PCTP: variants seen among roughly 807,000 people sequenced by gnomAD.
PCTP encodes phosphatidylcholine transfer protein.
A neutral mutation model predicts 31.0 loss-of-function variants in PCTP; 27 were observed. The observed-to-expected ratio is 0.87, with a 90% CI of 0.64 to 1.20. The LOEUF (loss-of-function observed/expected upper bound fraction) is 1.20. Among genes scored for constraint, PCTP ranks in the 50% most tolerant of loss-of-function variants. The pLI is 0.00. For synonymous variants in PCTP, 108 were observed against 101.2 expected (o/e 1.07, Z -0.40); for missense variants, 287 against 268.2 (o/e 1.07, Z -0.49).
At position 55,773,746 on chromosome 17, in the gene PCTP, G is replaced by A. The variant is rs141170729; in HGVS notation, c.362G>A (p.Arg121Gln). ...CAGTATGTCTACCTTCGGCAGCGGC[G>A]AGACCTGGACATGGAAGGGAGGAAG... is the stretch of plus-strand genomic sequence containing the variant. Reference protein sequence around the residue: ...NRDYVYLRQRRDLDMEGRKIH... With the variant: ...NRDYVYLRQRQDLDMEGRKIH... Residue 121 changes from arginine (R) to glutamine (Q), a missense_variant, in exon 4 of 6, where the codon CGA (arginine) becomes CAA (glutamine). Transcript: ENST00000268896. 125 of 1,613,348 alleles carry A rather than the reference G, an allele frequency of 7.7e-5. No homozygotes were observed. Among genetic ancestry groups the A allele is most frequent in the Non-Finnish European group, 1.0e-4 (123 of 1,179,636 alleles).
At chr17:55,841,246 G>A (rs1905972196) in intron 5 of PCTP, among the ~76,000 whole-genome samples, 2 of 152,200 alleles carry the variant, frequency 1.3e-5, no homozygotes, top group African/African-American at 4.8e-5. Context: ...AAGCACTTGA[G>A]GCATTGGTAC....
intron 3 of PCTP, among the ~76,000 whole-genome samples, chr17:55,801,249 C>G (rs1362169000): frequency 6.6e-6 from 1 of 152,032 alleles, no homozygotes; most frequent in African/African-American, 2.4e-5. Flanking sequence ...ACTTAGACTC[C>G]CACACAATGA....
At chr17:55,845,477 C>T (rs1438659951), downstream of PCTP, among the ~76,000 whole-genome samples, 2 of 152,156 alleles carry the variant, frequency 1.3e-5, no homozygotes, top group Non-Finnish European at 2.9e-5. Context: ...AGGGTTTCCG[C>T]GGGATGCTCA....
In PCTP at chr17:55,777,048, C is replaced by G; in HGVS notation, c.*948C>G. 2 of 985,824 alleles carry G rather than the reference C, an allele frequency of 2.0e-6. No homozygotes were observed. The highest frequency in any genetic ancestry group is 1.2e-6 in the Non-Finnish European group (1 of 829,910). The allele number at this position is 985,824 out of a possible 1,614,324, so 61.1% of individuals were successfully genotyped here. On this transcript the variant is annotated 3_prime_UTR_variant, in exon 6 of 6. Coordinates refer to ENST00000268896, the MANE Select transcript of PCTP (RefSeq NM_021213.4). ...CAGTTCACAGCCAGGTAAAATTTAACTGGTGGCTTAATGACTCTGCACCTT... is the reference window on the plus strand; with the variant it reads ...CAGTTCACAGCCAGGTAAAATTTAAGTGGTGGCTTAATGACTCTGCACCTT...
intron 3 of PCTP, among the ~76,000 whole-genome samples, chr17:55,802,221 G>T (rs1598006943): frequency 6.6e-6 from 1 of 152,140 alleles, no homozygotes; most frequent in East Asian, 1.9e-4. Flanking sequence ...GAGGTAGTAA[G>T]TAATAGCCTA....
At chr17:55,785,535 T>C (rs1393272387) in intron 2 of PCTP, among the ~76,000 whole-genome samples, 1 of 152,238 alleles carries the variant, frequency 6.6e-6, no homozygotes, top group Non-Finnish European at 1.5e-5. Flanking sequence ...AATGCCTCAT[T>C]TATTTAGATC....
intron 3 of PCTP, among the ~76,000 whole-genome samples, chr17:55,789,950 C>T (rs965000523): frequency 6.6e-6 from 1 of 152,170 alleles, no homozygotes; most frequent in Non-Finnish European, 1.5e-5. Flanking sequence ...AAAAGCTTAT[C>T]CACCATGATC....
chr17:55,780,859 T>G (rs1338476692), downstream of PCTP, among the ~76,000 whole-genome samples: 1 of 152,146 alleles, frequency 6.6e-6, no homozygotes, highest in Non-Finnish European at 1.5e-5. Context: ...TGTTCTTGCC[T>G]CCTTCACCAT....
At chr17:55,775,287 T>G in intron 5 of PCTP, 1 of 1,235,536 alleles carries the variant, frequency 8.1e-7, no homozygotes, top group Non-Finnish European at 1.0e-6. Context: ...GTTGCCCTTT[T>G]TTTTTTTTCT....
chr17:55,765,667 T>C (rs1480446764), intron 1 of PCTP, among the ~76,000 whole-genome samples: 4 of 152,248 alleles, frequency 2.6e-5, no homozygotes. Context: ...AAAAAATTAA[T>C]TTGATTGCGT....
downstream of PCTP, among the ~76,000 whole-genome samples, chr17:55,845,657 A>G (rs972590775): frequency 3.3e-5 from 5 of 152,128 alleles, no homozygotes; most frequent in Non-Finnish European, 4.4e-5. Context: ...TGCCCAGCGC[A>G]GTCAGAGGCC....
chr17:55,763,690 A>G (rs1050966989), intron 1 of PCTP, among the ~76,000 whole-genome samples: 5 of 152,216 alleles, frequency 3.3e-5, no homozygotes, highest in Non-Finnish European at 5.9e-5. Flanking sequence ...AAATATTATC[A>G]GTAGATATTT....
At position 55,821,413 on chromosome 17, in the gene PCTP, G is replaced by A. The variant is rs569217163; in HGVS notation, c.318-1348G>A. ...TAATGGATATGGAGCTTCTTTTGGG[G>A]GTGATAAAATGTTCTAAAATTTATT... is the stretch of plus-strand genomic sequence containing the variant. On this transcript the variant is annotated intron_variant, in intron 3 of 3. Transcript: ENST00000572536. 3.1e-4 allele frequency among the ~76,000 whole-genome samples: 47 copies of A among 152,162 alleles called. No individual in the cohort carries two copies. In the South Asian group the frequency reaches 9.6e-3, roughly 31 times the overall value.
In PCTP at chr17:55,776,150, C is replaced by T. The variant is rs754781005; in HGVS notation, c.*50C>T. On this transcript the variant is annotated 3_prime_UTR_variant, in exon 6 of 6. Coordinates refer to ENST00000268896, the MANE Select transcript of PCTP (RefSeq NM_021213.4). ...CCATGGGTTGATGTCTCTGGAAGTG[C>T]AACCACCCAATGTCTCTGGAAGTGC... The T allele has an allele frequency of 1.9e-6, 3 of 1,606,568 alleles. No individual in the cohort carries two copies. The Admixed American group carries it at 5.1e-5, about 27-fold the overall frequency.
At chr17:55,754,149 A>G (rs554894310) in intron 1 of PCTP, among the ~76,000 whole-genome samples, 1 of 152,254 alleles carries the variant, frequency 6.6e-6, no homozygotes, top group South Asian at 2.1e-4. Flanking sequence ...TGTTGACACT[A>G]CCTACCTGGA....
chr17:55,842,649 C>A (rs907699556), intron 5 of PCTP: 2 of 152,172 alleles, frequency 1.3e-5, no homozygotes, highest in African/African-American at 4.8e-5. Flanking sequence ...CTAGTCTGCA[C>A]AAGAACTCAA....
chr17:55,782,259 CATT>C (rs1294958743), downstream of PCTP, among the ~76,000 whole-genome samples: 1 of 152,186 alleles, frequency 6.6e-6, no homozygotes, highest in Non-Finnish European at 1.5e-5. Context: ...TCAATTCAAA[CATT>C]AATCTTATCC....
chr17:55,796,302 A>G (rs923865511), intron 3 of PCTP, among the ~76,000 whole-genome samples: 5 of 152,036 alleles, frequency 3.3e-5, no homozygotes, highest in Admixed American at 3.3e-4. Flanking sequence ...CATGGACATT[A>G]CATGGTTGGA....
rs193280162 is a variant in PCTP, at chr17:55,762,647, G to T, written c.142-4688G>T. The stretch of plus-strand genomic sequence containing the variant: ...GTTCTACCTATTGGTAGAGTTTGCT[G>T]TCATTGATTTAGCATTCAGTGATGC... On this transcript the variant is annotated intron_variant, in intron 1 of 5. Coordinates refer to ENST00000268896, the MANE Select transcript of PCTP (RefSeq NM_021213.4). Among the ~76,000 whole-genome samples the T allele has an allele frequency of 9.9e-5, 15 of 152,256 alleles. No homozygotes were observed. The East Asian group carries it at 2.9e-3, about 29-fold the overall frequency.
Sources: allele counts gnomAD v4.1 joint callset (sites outside exome capture counted in the v4.1 genomes callset), GRCh38; gene constraint gnomAD v4.1.1; transcripts MANE v1.5; gene names NCBI Gene and HGNC (gene_info 2026-07-23, HGNC 2026-07-21).